Variants in RASD2 observed in about 807,000 individuals in gnomAD.
RASD2 encodes the protein RASD family member 2.
In RASD2, 7 loss-of-function variants were observed where a neutral mutation model predicts 15.8. The observed-to-expected ratio is 0.44, with a 90% confidence interval of 0.25 to 0.83. The LOEUF (loss-of-function observed/expected upper bound fraction) is 0.83, where lower values mean the gene tolerates loss of function less well. RASD2 is among the 40% of genes least tolerant of loss of function. The pLI is 0.20. For missense variants in RASD2, 274 were observed against 382.8 expected (o/e 0.72, Z 2.37); for synonymous variants, 155 against 153.6 (o/e 1.01, Z -0.07).
intron 2 of RASD2, among the ~76,000 whole-genome samples, chr22:35,548,926 C>G (rs141954612): frequency 6.6e-6 from 1 of 152,142 alleles, no homozygotes; most frequent in Non-Finnish European, 1.5e-5. Flanking sequence ...CAGCACGTGA[C>G]GGGTATTGCA....
rs535144098 is a variant in RASD2, at chr22:35,547,817, T to C, written c.271+737T>C. ...TTTTACTAGAGACGGGATTTCACCA[T>C]GTTAGCCAGGATGGTCTCGATCTCC... is the stretch of plus-strand genomic sequence containing the variant. On this transcript the variant is annotated intron_variant, in intron 2 of 2. Transcript: ENST00000216127. 2.5e-3 allele frequency among the ~76,000 whole-genome samples: 382 copies of C among 152,304 alleles called. 1 individual carries two copies. Among genetic ancestry groups the C allele is most frequent in the Non-Finnish European group, 4.4e-3 (301 of 68,024 alleles).
rs1934704000 is a variant in RASD2, at chr22:35,552,609, G to A, written c.*577G>A. 6.5e-6 allele frequency: 1 copy of A among 153,856 alleles called. No individual in the cohort carries two copies. Among genetic ancestry groups the A allele is most frequent in the South Asian group, 2.0e-4 (1 of 4,902 alleles). 9.5% of individuals were successfully genotyped at this position (153,856 alleles called of 1,614,324 possible). A position where few individuals can be genotyped will look rare whatever the true frequency, so the allele number is the denominator to read the frequency against. On this transcript the variant is annotated 3_prime_UTR_variant, in exon 3 of 3. Coordinates refer to ENST00000216127, the MANE Select transcript of RASD2 (RefSeq NM_014310.4). ...TGAGCCAGTGGACTCTGTGTCTGAAGGGGGCGTGGCCACACCTCCTAGACC... is the reference window on the plus strand; with the variant it reads ...TGAGCCAGTGGACTCTGTGTCTGAAAGGGGCGTGGCCACACCTCCTAGACC...
At chr22:35,536,329 T>C (rs541758430), upstream of RASD2, among the ~76,000 whole-genome samples, 4 of 150,614 alleles carry the variant, frequency 2.7e-5, no homozygotes, top group South Asian at 6.3e-4. Context: ...ACCGTCTCTT[T>C]TTTTTTTTTT....
chr22:35,536,287 A>C (rs114708592), upstream of RASD2, among the ~76,000 whole-genome samples: 1,843 of 151,432 alleles, frequency 0.012, 40 homozygotes, highest in African/African-American at 0.042. Context: ...TGAGCCTGTC[A>C]TGAGCATGTG....
chr22:35,536,326 CTTTT>C (rs559627212), upstream of RASD2, among the ~76,000 whole-genome samples: 2 of 140,218 alleles, frequency 1.4e-5, no homozygotes. Context: ...CAAACCGTCT[CTTTT>C]TTTTTTTTTT....
intron 2 of RASD2, among the ~76,000 whole-genome samples, chr22:35,550,770 G>C (rs1934642930): frequency 6.6e-6 from 1 of 152,312 alleles, no homozygotes; most frequent in African/African-American, 2.4e-5. Context: ...GTGTGATCTT[G>C]GGCAGGCTGC....
chr22:35,542,170 G>C (rs1412860325), intron 1 of RASD2, among the ~76,000 whole-genome samples: 1 of 152,198 alleles, frequency 6.6e-6, no homozygotes, highest in Non-Finnish European at 1.5e-5. Context: ...GCCAGGCTGG[G>C]AGGGAGCAGC....
chr22:35,548,990 A>G (rs16995831), intron 2 of RASD2, among the ~76,000 whole-genome samples: 4,291 of 152,318 alleles, frequency 0.028, 204 homozygotes, highest in African/African-American at 0.097. Flanking sequence ...GCTGCAATGA[A>G]TAAGGCTAAT....
chr22:35,542,954 T>G (rs1934392476), intron 1 of RASD2, among the ~76,000 whole-genome samples: 1 of 152,210 alleles, frequency 6.6e-6, no homozygotes. Flanking sequence ...TCCCCCCGCC[T>G]GATGCCAGCT....
At chr22:35,542,246 C>T (rs1255650697) in intron 1 of RASD2, among the ~76,000 whole-genome samples, 1 of 152,212 alleles carries the variant, frequency 6.6e-6, no homozygotes, top group Non-Finnish European at 1.5e-5. Flanking sequence ...CCTGCAAGAC[C>T]TGCGCCTGCA....
the RASD2 span, among the ~76,000 whole-genome samples, chr22:35,533,486 G>A: frequency 0.059 from 9,043 of 152,206 alleles, 914 homozygotes; most frequent in African/African-American, 0.21. Flanking sequence ...TGATGATGAC[G>A]CTGACGGTGA....
rs1277305423 is a variant in RASD2, at chr22:35,552,413, G to T, written c.*381G>T. ...CCTCAGGATGAAAAGGACACAGAAGGCCAGATGAGAAAGGTCTCCTCTCTC... is the reference window on the plus strand; with the variant it reads ...CCTCAGGATGAAAAGGACACAGAAGTCCAGATGAGAAAGGTCTCCTCTCTC... On this transcript the variant is annotated 3_prime_UTR_variant, in exon 3 of 3. Transcript: ENST00000216127. 9.5e-6 allele frequency: 2 copies of T among 209,796 alleles called. No homozygotes were observed. Among genetic ancestry groups the T allele is most frequent in the Non-Finnish European group, 1.9e-5 (2 of 104,598 alleles). The allele number at this position is 209,796 out of a possible 1,614,324, so 13.0% of individuals were successfully genotyped here.
chr22:35,549,991 T>A (rs1436038861), intron 2 of RASD2, among the ~76,000 whole-genome samples: 1 of 152,192 alleles, frequency 6.6e-6, no homozygotes, highest in Non-Finnish European at 1.5e-5. Context: ...TTGGACGCAG[T>A]GGCTCATGCC....
chr22:35,539,465 T>A (rs1934292513), upstream of RASD2, among the ~76,000 whole-genome samples: 1 of 152,180 alleles, frequency 6.6e-6, no homozygotes, highest in Admixed American at 6.5e-5. Context: ...CAGCATCCCA[T>A]CCCTTTGCTG....
At chr22:35,547,663 G>A (rs1315572811) in intron 2 of RASD2, among the ~76,000 whole-genome samples, 1 of 152,212 alleles carries the variant, frequency 6.6e-6, no homozygotes, top group Non-Finnish European at 1.5e-5. Context: ...CACCCAGGCT[G>A]GAGTGCAGTG....
chr22:35,549,610 G>A (rs1384351777), intron 2 of RASD2, among the ~76,000 whole-genome samples: 2 of 152,190 alleles, frequency 1.3e-5, no homozygotes, highest in Non-Finnish European at 2.9e-5. Context: ...CCTTTCAGAA[G>A]AGCCCACACT....
At chr22:35,533,618 G>GATGATGGGA in the RASD2 span, among the ~76,000 whole-genome samples, 1 of 151,760 alleles carries the variant, frequency 6.6e-6, no homozygotes, top group African/African-American at 2.4e-5. Context: ...TGATGATGGT[G>GATGATGGGA]ATGATGGGAA....
chr22:35,540,070 G>T (rs936649039), upstream of RASD2, among the ~76,000 whole-genome samples: 12 of 152,370 alleles, frequency 7.9e-5, no homozygotes, highest in African/African-American at 2.9e-4. Context: ...CCGTGAGCTC[G>T]GGAGGGAGGC....
Position 35,552,356 on chromosome 22 carries a change from T to G in RASD2, c.*324T>G. The G allele has an allele frequency of 2.7e-6, 1 of 369,926 alleles. No individual in the cohort carries two copies. The highest frequency in any genetic ancestry group is 4.9e-6 in the Non-Finnish European group (1 of 202,436). The allele number at this position is 369,926 out of a possible 1,614,324, so 22.9% of individuals were successfully genotyped here. A position where few individuals can be genotyped will look rare whatever the true frequency, so the allele number is the denominator to read the frequency against. On this transcript the variant is annotated 3_prime_UTR_variant, in exon 3 of 3. Transcript: ENST00000216127. ...AATGTTGATGCCAGAGGGGTGAGGA[T>G]TGCTGCGTCATATGGAGCCTCCTGG...
Sources: allele counts gnomAD v4.1 joint callset (sites outside exome capture counted in the v4.1 genomes callset), GRCh38; gene constraint gnomAD v4.1.1; transcripts MANE v1.5; gene names NCBI Gene and HGNC (gene_info 2026-07-23, HGNC 2026-07-21).